IL9R: variants seen among roughly 807,000 people sequenced by gnomAD.
IL9R encodes the protein interleukin 9 receptor, also known as interleukin-9 receptor.
Under a neutral mutation model 56.3 loss-of-function variants are expected in IL9R, and 54 were observed. That is an observed-to-expected ratio of 0.96 (90% CI 0.77 to 1.20). IL9R has a LOEUF of 1.20. Ranked by LOEUF, IL9R falls within the 50% of genes most tolerant of loss-of-function variation. The pLI, the probability that IL9R is intolerant of heterozygous loss-of-function variation, is 0.00. For synonymous variants in IL9R, 212 were observed against 250.2 expected, an observed-to-expected ratio of 0.85 and a Z score of 1.44; for missense variants, 545 against 629.8, an observed-to-expected ratio of 0.87 and a Z score of 1.44.
At chrX:155,999,386 G>C (rs2067357322) in intron 1 of IL9R, among the ~76,000 whole-genome samples, 1 of 152,100 alleles carries the variant, frequency 6.6e-6, no homozygotes, top group Non-Finnish European at 1.5e-5. Context: ...TTCTCTGAAA[G>C]TGTGTGGGAA....
chrX:156,005,814 G>C (rs2067893662), intron 6 of IL9R, among the ~76,000 whole-genome samples: 1 of 152,054 alleles, frequency 6.6e-6, no homozygotes, highest in Non-Finnish European at 1.5e-5. Context: ...CTGCAGTGCT[G>C]AGATGGCCCA....
chrX:156,007,195 G>C (rs1443883468), intron 7 of IL9R, among the ~76,000 whole-genome samples: 1 of 53,608 alleles, frequency 1.9e-5, no homozygotes, highest in African/African-American at 9.1e-5. Flanking sequence ...CAGACCTTCT[G>C]CTGATGGCAA....
chrX:155,998,085 C>T (rs1485489445), intron 1 of IL9R, among the ~76,000 whole-genome samples: 4 of 152,098 alleles, frequency 2.6e-5, no homozygotes, highest in Admixed American at 1.3e-4. Flanking sequence ...GGAAGGAACT[C>T]TGCTTCCTCA....
intron 8 of IL9R, among the ~76,000 whole-genome samples, chrX:156,009,269 T>C (rs2068297139): frequency 7.4e-6 from 1 of 134,952 alleles, no homozygotes; most frequent in Non-Finnish European, 1.5e-5. Flanking sequence ...TGTGTGTTTG[T>C]GTGTGTATGT....
chrX:156,010,455 C>A lies in IL9R; in HGVS notation c.*46C>A. Reference sequence around the variant, plus strand: ...ATCATGTCCATTTTGGGAAAATGGACTGAAGTTTCTGGAGCCCTTGTCTGA... The same window carrying A: ...ATCATGTCCATTTTGGGAAAATGGAATGAAGTTTCTGGAGCCCTTGTCTGA... On this transcript the variant is annotated 3_prime_UTR_variant, in exon 9 of 9. Coordinates refer to ENST00000244174, the MANE Select transcript of IL9R (RefSeq NM_002186.3). 1 of 428,846 alleles carries A rather than the reference C, an allele frequency of 2.3e-6. No homozygotes were observed. The highest frequency in any genetic ancestry group is 3.7e-6 in the Non-Finnish European group (1 of 269,132). 26.6% of individuals were successfully genotyped at this position (428,846 alleles called of 1,614,324 possible).
intron 1 of IL9R, among the ~76,000 whole-genome samples, chrX:156,000,982 C>T (rs2067482593): frequency 6.6e-6 from 1 of 152,096 alleles, no homozygotes; most frequent in Non-Finnish European, 1.5e-5. Flanking sequence ...GCTCAGCTTA[C>T]CAGGTACAGA....
intron 2 of IL9R, among the ~76,000 whole-genome samples, 175 bp downstream of exon 2, chrX:156,003,194 C>T (rs1400037964): frequency 5.3e-5 from 8 of 152,044 alleles, no homozygotes; most frequent in African/African-American, 1.9e-4. Context: ...TTTTACCTCC[C>T]TACCTTCATT....
At chrX:156,001,758 G>T (rs1458145970) in intron 1 of IL9R, among the ~76,000 whole-genome samples, 2 of 152,214 alleles carry the variant, frequency 1.3e-5, no homozygotes, top group African/African-American at 4.8e-5. Flanking sequence ...TTGCAAATGG[G>T]GTGATAGGGC....
chrX:156,003,683 G>C lies in IL9R; in HGVS notation c.261G>C (p.Gln87His). Residue 87 changes from glutamine to histidine, a missense_variant, in exon 4 of 9, where the codon CAG becomes CAC. This residue lies in a region of IL9R where 431 missense variants were observed against 360.0 expected (regional missense o/e 1.20). Transcript: ENST00000244174. ...TGACAAATGCCCTTTCCAGCAACCA[G>C]GCTCCTGGCGGCACACATAAGTGCA... ...SSPWLLFTSNQAPGGTHKCIL... is the reference protein window; with the variant it reads ...SSPWLLFTSNHAPGGTHKCIL... The C allele has an allele frequency of 1.9e-6, 3 of 1,612,998 alleles. No homozygotes were observed. The highest frequency in any genetic ancestry group is 2.5e-6 in the Non-Finnish European group (3 of 1,179,418).
rs770950953 is a variant in IL9R, at chrX:155,997,978, C to T, written c.28+191C>T. Among the ~76,000 whole-genome samples the T allele has an allele frequency of 2.6e-5, 4 of 152,230 alleles. 1 individual carries two copies. The East Asian group carries it at 7.7e-4, about 29-fold the overall frequency. ...GAGATGGCAAAATTTGCAGCCCTGACCTCAAGGATTACAAACTAATTTCCA... is the reference window on the plus strand; with the variant it reads ...GAGATGGCAAAATTTGCAGCCCTGATCTCAAGGATTACAAACTAATTTCCA... On this transcript the variant is annotated intron_variant, in intron 1 of 8. Coordinates refer to ENST00000244174, the MANE Select transcript of IL9R (RefSeq NM_002186.3).
chrX:156,000,145 AAT>A (rs1556394101), intron 1 of IL9R, among the ~76,000 whole-genome samples: 1 of 144,246 alleles, frequency 6.9e-6, no homozygotes, highest in Non-Finnish European at 1.5e-5. Context: ...AAAAAAAAAA[AAT>A]ATATATATAT....
In IL9R at chrX:156,003,448, G is replaced by A. The variant is rs1429809514; in HGVS notation, c.143-1G>A. 3.1e-6 allele frequency: 5 copies of A among 1,608,978 alleles called. No homozygotes were observed. On this transcript the variant is annotated splice_acceptor_variant, in intron 2 of 8. Transcript: ENST00000244174. LOFTEE classifies it high-confidence loss of function. The stretch of plus-strand genomic sequence containing the variant: ...GGGCTCCTGATGGTCACTGTCTCCA[G>A]GGCCAAGGTCTAGAACCTTCACCTG...
intron 6 of IL9R, 125 bp from the exon 7 acceptor site, chrX:156,005,958 C>A: frequency 1.5e-6 from 1 of 684,642 alleles, no homozygotes; most frequent in Non-Finnish European, 2.6e-6. Context: ...CACAAACCTC[C>A]AAGGCCCATC....
chrX:156,009,836 G>A lies in IL9R; in HGVS notation c.993G>A (p.Gly331=), dbSNP rs1351013228. ...GNFQTWMGAH[G]AGVLLSQDCA... ...TCCAGACTTGGATGGGGGCCCACGG[G>A]GCCGGTGTGCTGTTGAGCCAGGACT... Residue 331 remains glycine (G), a synonymous_variant, in exon 9 of 9, where the codon GGG becomes GGA. Coordinates refer to ENST00000244174, the MANE Select transcript of IL9R (RefSeq NM_002186.3). 6 of 1,456,810 alleles carry A rather than the reference G, an allele frequency of 4.1e-6. No individual in the cohort carries two copies. The highest frequency in any genetic ancestry group is 3.1e-5 in the East Asian group (1 of 32,562). The allele number at this position is 1,456,810 out of a possible 1,614,324, so 90.2% of individuals were successfully genotyped here.
At chrX:156,007,189 C>T (rs1483341027) in intron 7 of IL9R, among the ~76,000 whole-genome samples, 1 of 90,080 alleles carries the variant, frequency 1.1e-5, no homozygotes, top group Admixed American at 1.2e-4. Flanking sequence ...GAGCCACAGA[C>T]CTTCTGCTGA....
chrX:155,999,316 C>A (rs765613259), intron 1 of IL9R, among the ~76,000 whole-genome samples: 107 of 152,290 alleles, frequency 7.0e-4, no homozygotes, highest in African/African-American at 2.4e-3. Context: ...TCTTCCTGAG[C>A]TGTGGCCCAG....
intron 4 of IL9R, 177 bp from the exon 5 acceptor site, chrX:156,004,243 T>C (rs2067750870): frequency 1.6e-6 from 1 of 631,670 alleles, no homozygotes; most frequent in Non-Finnish European, 2.8e-6. Context: ...CCAGAGGAAG[T>C]CATTGCTGTC....
intron 7 of IL9R, among the ~76,000 whole-genome samples, 190 bp from the exon 8 acceptor site, chrX:156,007,333 C>A (rs760742852): frequency 1.3e-5 from 2 of 149,942 alleles, no homozygotes. Context: ...CAGTTCTATG[C>A]GGCCGTTAGG....
intron 8 of IL9R, among the ~76,000 whole-genome samples, chrX:156,008,463 G>A (rs755420194): frequency 0.011 from 1,684 of 152,100 alleles, 12 homozygotes; most frequent in Middle Eastern, 0.02. Context: ...CATGAACCGG[G>A]CATCTGGCTC....
Sources: gnomAD v4.1 joint callset for allele counts (sites outside exome capture counted in the v4.1 genomes callset) on GRCh38, gnomAD v4.1.1 for gene constraint, gnomAD v4.1.1 regional missense constraint, MANE v1.5 for transcripts, NCBI Gene and HGNC (gene_info 2026-07-23, HGNC 2026-07-21) for gene names.